The following AJUBA variants were observed in gnomAD, a reference collection of about 807,000 sequenced individuals.
AJUBA encodes LIM domain-containing protein ajuba.
AJUBA carries 20 observed loss-of-function variants against 53.3 expected under a neutral mutation model. The ratio of observed to expected loss-of-function variants is 0.38; its 90% confidence interval spans 0.26 to 0.55. The LOEUF (loss-of-function observed/expected upper bound fraction) is 0.55, where lower values mean the gene tolerates loss of function less well. AJUBA is among the 20% of genes least tolerant of loss of function. The probability of loss-of-function intolerance (pLI) is 0.80; values close to 1 mark genes in which losing one functional copy is unlikely to be tolerated. For missense variants in AJUBA, 580 were observed against 730.5 expected, an observed-to-expected ratio of 0.79 and a Z score of 2.38; for synonymous variants, 296 against 306.2, an observed-to-expected ratio of 0.97 and a Z score of 0.35.
In AJUBA at chr14:22,982,475, G is replaced by C; in HGVS notation, c.-209C>G. 1 of 1,424,018 alleles carries C rather than the reference G, an allele frequency of 7.0e-7. No homozygotes were observed. The highest frequency in any genetic ancestry group is 9.1e-7 in the Non-Finnish European group (1 of 1,096,500). 88.2% of individuals were successfully genotyped at this position (1,424,018 alleles called of 1,614,324 possible). On this transcript the variant is annotated 5_prime_UTR_variant, in exon 1 of 8. Transcript: ENST00000262713. Reference sequence around the variant, plus strand: ...TGCGTCCCCCCGCGCATCTGGGGCTGAGCGGGGCTAGCAGGGTCTCTGGCC... The same window carrying C: ...TGCGTCCCCCCGCGCATCTGGGGCTCAGCGGGGCTAGCAGGGTCTCTGGCC...
Position 22,981,640 on chromosome 14 carries a change from G to C in AJUBA, c.627C>G (p.Ala209=), listed in dbSNP as rs748562319. The C allele has an allele frequency of 2.1e-5, 32 of 1,517,666 alleles. No homozygotes were observed. The East Asian group carries it at 5.3e-4, about 25-fold the overall frequency. The allele number at this position is 1,517,666 out of a possible 1,614,324, so 94.0% of individuals were successfully genotyped here. Residue 209 remains alanine (A), a synonymous_variant, in exon 1 of 8, where the codon GCC becomes GCG. Coordinates refer to ENST00000262713, the MANE Select transcript of AJUBA (RefSeq NM_032876.6). ...GCTGAGCGTACAATCGGTCCAGGGC[G>C]GCGTGGAGCTCCGGGTAGGCGGACG... The part of the protein sequence containing the change: ...GVPSAYPELH[A]ALDRLYAQRP...
Position 22,979,225 on chromosome 14 carries a change from G to A in AJUBA, c.1007-780C>T. ...ATATATACACCTGGCTCTGGGACTT[G>A]CCTTTCCTGGGTGTGTTCTTCCCTC... On this transcript the variant is annotated intron_variant, in intron 1 of 7. Coordinates refer to ENST00000262713, the MANE Select transcript of AJUBA (RefSeq NM_032876.6). This position sits in a 1 kb window ranked among gnomAD's most constrained non-coding sequence, Gnocchi z 4.0. 1 of 852,018 alleles carries A rather than the reference G, an allele frequency of 1.2e-6. No individual in the cohort carries two copies. Among genetic ancestry groups the A allele is most frequent in the Non-Finnish European group, 1.4e-6 (1 of 708,512 alleles). 52.8% of individuals were successfully genotyped at this position (852,018 alleles called of 1,614,324 possible).
Position 22,981,692 on chromosome 14 carries a change from G to C in AJUBA, c.575C>G (p.Pro192Arg). 1 of 1,519,438 alleles carries C rather than the reference G, an allele frequency of 6.6e-7. No individual in the cohort carries two copies. Among genetic ancestry groups the C allele is most frequent in the Non-Finnish European group, 8.8e-7 (1 of 1,136,414 alleles). 94.1% of individuals were successfully genotyped at this position (1,519,438 alleles called of 1,614,324 possible). ...GACCCCTCCGGGAGAATAGCCTGCC[G>C]GTGCTCCGGCCAGGGGTGGGCCAAA... ...CLFGPPLAGAPAGYSPGGVPS... is the reference protein window; with the variant it reads ...CLFGPPLAGARAGYSPGGVPS... Residue 192 changes from proline (P) to arginine (R), a missense_variant, in exon 1 of 8, where the codon CCG becomes CGG. By Grantham distance (103) the Pro-to-Arg change is moderately radical (BLOSUM62 -2). Coordinates refer to ENST00000262713, the MANE Select transcript of AJUBA (RefSeq NM_032876.6).
At chr14:22,980,919 A>AG (rs1469590867) in intron 1 of AJUBA, among the ~76,000 whole-genome samples, 1 of 151,848 alleles carries the variant, frequency 6.6e-6, no homozygotes, top group Admixed American at 6.6e-5. Context: ...CCGCCGTGAA[A>AG]GGGGGGAGCA....
chr14:22,981,396 C>T lies in AJUBA; in HGVS notation c.871G>A (p.Gly291Ser), dbSNP rs575548520. Reference protein sequence around the residue: ...TALLRLTVGTGGREAGARGEP... With the variant: ...TALLRLTVGTSGREAGARGEP... ...CCGCGGGCTCCGGCTTCTCGCCCAC[C>T]GGTGCCCACCGTCAGGCGAAGCAAA... Residue 291 changes from glycine to serine, a missense_variant, in exon 1 of 8, where the codon GGT becomes AGT. Physicochemically the swap from Gly to Ser is moderately conservative, Grantham distance 56. This residue lies in a region of AJUBA where 430 missense variants were observed against 471.5 expected (regional missense o/e 0.91). Coordinates refer to ENST00000262713, the MANE Select transcript of AJUBA (RefSeq NM_032876.6). The T allele has an allele frequency of 2.9e-5, 46 of 1,612,850 alleles. No individual in the cohort carries two copies. In the South Asian group the frequency reaches 4.4e-4, roughly 15 times the overall value.
intron 2 of AJUBA, chr14:22,977,092 C>T (rs1165863358): frequency 9.5e-7 from 1 of 1,055,500 alleles, no homozygotes; most frequent in Non-Finnish European, 1.1e-6. Flanking sequence ...ATAGAGAGAA[C>T]CACATTGTTA....
intron 2 of AJUBA, 41 bp downstream of exon 2, chr14:22,978,303 G>A (rs376619101): frequency 6.4e-7 from 1 of 1,562,398 alleles, no homozygotes; most frequent in African/African-American, 1.4e-5. Flanking sequence ...TGTGTATGTG[G>A]GCAGGGGAGG....
At chr14:22,977,926 C>T (rs1448587833) in intron 2 of AJUBA, among the ~76,000 whole-genome samples, 1 of 151,834 alleles carries the variant, frequency 6.6e-6, no homozygotes, top group Non-Finnish European at 1.5e-5. Context: ...GAAAACCCCC[C>T]TCTCCGCCCC....
rs1216579399 is a variant in AJUBA at position 22,975,039 on chromosome 14, G to A, written c.1305C>T (p.Cys435=). Residue 435 remains cysteine, a synonymous_variant, in exon 5 of 8, where the codon TGC becomes TGT. Transcript: ENST00000262713. ...CCACTGTGAAGGGGATGCCATCCAG[G>A]CACTTGTTGCAAACAATGCATCGGA... ...GCFRCIVCNK[C]LDGIPFTVDF... 1.9e-6 allele frequency: 3 copies of A among 1,614,076 alleles called. No homozygotes were observed. Among genetic ancestry groups the A allele is most frequent in the Non-Finnish European group, 8.5e-7 (1 of 1,180,036 alleles).
chr14:22,972,968 C>T lies in AJUBA; in HGVS notation c.*475G>A, dbSNP rs1566654266. 1 of 158,700 alleles carries T rather than the reference C, an allele frequency of 6.3e-6. No homozygotes were observed. The highest frequency in any genetic ancestry group is 1.4e-5 in the Non-Finnish European group (1 of 71,556). The allele number at this position is 158,700 out of a possible 1,614,324, so 9.8% of individuals were successfully genotyped here. On this transcript the variant is annotated 3_prime_UTR_variant, in exon 8 of 8. Transcript: ENST00000262713. ...AAGCTAGGTCCTCTACTCCTGGAAT[C>T]CAGGACCAGAACATTGCGTGACTCA...
chr14:22,971,887 G>C lies in AJUBA; in HGVS notation c.*1556C>G, dbSNP rs1259472758. ...AAGTTTTTGAATGGTAGATAACATA[G>C]AAAAAGACATCCATAAAGGTAGGAA... On this transcript the variant is annotated 3_prime_UTR_variant, in exon 8 of 8. Transcript: ENST00000262713. The C allele has an allele frequency of 6.6e-6, 1 of 152,502 alleles. No homozygotes were observed. The highest frequency in any genetic ancestry group is 1.5e-5 in the Non-Finnish European group (1 of 68,004). 9.4% of individuals were successfully genotyped at this position (152,502 alleles called of 1,614,324 possible).
chr14:22,980,736 C>A (rs2045079383), intron 1 of AJUBA: 1 of 967,252 alleles, frequency 1.0e-6, no homozygotes, highest in South Asian at 4.8e-5. Flanking sequence ...CGAACCCCAC[C>A]CCTCCGCCGC....
intron 6 of AJUBA, chr14:22,974,603 T>A (rs2045016767): frequency 1.9e-6 from 1 of 523,726 alleles, no homozygotes; most frequent in Non-Finnish European, 3.4e-6. Context: ...GAAAGTCTCC[T>A]CCTCTGGACT....
chr14:22,974,321 C>G (rs2045013777), intron 6 of AJUBA, among the ~76,000 whole-genome samples: 1 of 152,152 alleles, frequency 6.6e-6, no homozygotes, highest in South Asian at 2.1e-4. Context: ...GGAGCACACT[C>G]CCTCTGTACA....
chr14:22,976,870 G>C, intron 2 of AJUBA, 158 bp from the exon 3 acceptor site: 1 of 1,428,942 alleles, frequency 7.0e-7, no homozygotes, highest in Non-Finnish European at 9.2e-7. Flanking sequence ...AATTCCATCT[G>C]ATGCAATTCC....
At position 22,979,289 on chromosome 14, in the gene AJUBA, G is replaced by C. The variant is rs576236219; in HGVS notation, c.1007-844C>G. 6 of 387,606 alleles carry C rather than the reference G, an allele frequency of 1.5e-5. No homozygotes were observed. The highest frequency in any genetic ancestry group is 1.1e-4 in the African/African-American group (5 of 45,760). 24.0% of individuals were successfully genotyped at this position (387,606 alleles called of 1,614,324 possible). On this transcript the variant is annotated intron_variant, in intron 1 of 7. Transcript: ENST00000262713. This position sits in a 1 kb window ranked among gnomAD's most constrained non-coding sequence, Gnocchi z 4.0. ...ATTCCAGGCCCATGAGTGAGGGCTA[G>C]GGCCTGTCTTTGGGGAGCAGATCCC...
Position 22,973,246 on chromosome 14 carries a change from C to G in AJUBA, c.*197G>C. 2 of 845,184 alleles carry G rather than the reference C, an allele frequency of 2.4e-6. No homozygotes were observed. Among genetic ancestry groups the G allele is most frequent in the Non-Finnish European group, 3.5e-6 (2 of 564,110 alleles). 52.4% of individuals were successfully genotyped at this position (845,184 alleles called of 1,614,324 possible). Reference sequence around the variant, plus strand: ...ATGGGAAAAAGGCCAGTCGCCCCCACCCTGGTAAATATAAGGTTTCTCTTC... The same window carrying G: ...ATGGGAAAAAGGCCAGTCGCCCCCAGCCTGGTAAATATAAGGTTTCTCTTC... On this transcript the variant is annotated 3_prime_UTR_variant, in exon 8 of 8. Transcript: ENST00000262713.
At chr14:22,980,458 A>G (rs1324758237) in intron 1 of AJUBA, 2 of 414,604 alleles carry the variant, frequency 4.8e-6, no homozygotes, top group East Asian at 1.6e-4. Context: ...TTCAAGGCCA[A>G]GTTATTTCTG....
At position 22,982,540 on chromosome 14, in the gene AJUBA, A is replaced by G. The variant is rs1341545521; in HGVS notation, c.-274T>C. 1 of 1,265,154 alleles carries G rather than the reference A, an allele frequency of 7.9e-7. No homozygotes were observed. The highest frequency in any genetic ancestry group is 1.0e-6 in the Non-Finnish European group (1 of 1,003,184). 78.4% of individuals were successfully genotyped at this position (1,265,154 alleles called of 1,614,324 possible). Reference sequence around the variant, plus strand: ...CGCAGGTCTATCTGTTCACGCGTCGACTCGCCCGACTGCCCCACTCTCCCC... The same window carrying G: ...CGCAGGTCTATCTGTTCACGCGTCGGCTCGCCCGACTGCCCCACTCTCCCC... On this transcript the variant is annotated 5_prime_UTR_variant, in exon 1 of 8. Coordinates refer to ENST00000262713, the MANE Select transcript of AJUBA (RefSeq NM_032876.6).
Sources: gnomAD v4.1 joint callset for allele counts (sites outside exome capture counted in the v4.1 genomes callset) on GRCh38, gnomAD v4.1.1 for gene constraint, gnomAD v4.1.1 regional missense constraint, Gnocchi (gnomAD v3.1) non-coding constraint, MANE v1.5 for transcripts, NCBI Gene and HGNC (gene_info 2026-07-23, HGNC 2026-07-21) for gene names.